The following MDM1 variants were observed in gnomAD, a reference collection of about 807,000 sequenced individuals.
The protein encoded by MDM1 is Mdm1 nuclear protein.
MDM1 carries 61 observed loss-of-function variants against 89.1 expected under a neutral mutation model. The ratio of observed to expected loss-of-function variants is 0.68; its 90% CI spans 0.56 to 0.85. The LOEUF (loss-of-function observed/expected upper bound fraction) is 0.85. MDM1 is among the 40% of genes least tolerant of loss of function. MDM1 has a pLI of 0.00. For synonymous variants in MDM1, 290 were observed against 294.1 expected, an observed-to-expected ratio of 0.99 and a Z score of 0.14; for missense variants, 820 against 846.5, an observed-to-expected ratio of 0.97 and a Z score of 0.39.
chr12:68,313,693 TTC>T lies in MDM1; in HGVS notation c.1588_1589del (p.Glu530ThrfsTer10), dbSNP rs1212311378. ...GGRLPTPKLR[E>X]LGGIQRTHHD... ...GATGAGTCCTCTGGATTCCACCAAGTTCTCTCAGCTTGGGAGTAGGAAGCCGG... is the reference window on the plus strand; with the variant it reads ...GATGAGTCCTCTGGATTCCACCAAGTTCTCAGCTTGGGAGTAGGAAGCCGG... On this transcript the variant is annotated frameshift_variant, in exon 11 of 15. Coordinates refer to ENST00000682720, the MANE Select transcript of MDM1 (RefSeq NM_001354969.2). LOFTEE classifies it high-confidence loss of function. 1 of 1,614,194 alleles carries T rather than the reference TTC, an allele frequency of 6.2e-7. No homozygotes were observed. The highest frequency in any genetic ancestry group is 8.5e-7 in the Non-Finnish European group (1 of 1,180,022).
intron 7 of MDM1, among the ~76,000 whole-genome samples, chr12:68,318,031 C>T (rs1016309651): frequency 6.6e-6 from 1 of 152,138 alleles, no homozygotes; most frequent in Non-Finnish European, 1.5e-5. Context: ...TGAGGGAAAA[C>T]GCAGCACTTA....
chr12:68,311,998 G>A (rs1207666208), intron 12 of MDM1, among the ~76,000 whole-genome samples: 1 of 152,096 alleles, frequency 6.6e-6, no homozygotes, highest in Non-Finnish European at 1.5e-5. Flanking sequence ...CAGGATACCA[G>A]TCTCGTTTGT....
intron 2 of MDM1, among the ~76,000 whole-genome samples, chr12:68,330,084 A>G (rs917019640): frequency 9.2e-5 from 14 of 152,072 alleles, no homozygotes; most frequent in African/African-American, 3.1e-4. Context: ...GCCTTTCCCA[A>G]CCATCTAATC....
At chr12:68,329,752 A>G (rs1351296268) in intron 2 of MDM1, among the ~76,000 whole-genome samples, 1 of 152,202 alleles carries the variant, frequency 6.6e-6, no homozygotes. Flanking sequence ...AGTAAGGAAG[A>G]ATTAAATAAG....
At chr12:68,326,470 A>C in intron 3 of MDM1, 187 bp downstream of exon 3, 1 of 1,485,836 alleles carries the variant, frequency 6.7e-7, no homozygotes, top group Non-Finnish European at 8.9e-7. Flanking sequence ...CAAAATAGCG[A>C]GTAGTCAGAA....
intron 12 of MDM1, among the ~76,000 whole-genome samples, chr12:68,307,289 T>C (rs1473083664): frequency 6.6e-6 from 1 of 152,094 alleles, no homozygotes; most frequent in Non-Finnish European, 1.5e-5. Flanking sequence ...AACCCCAGCA[T>C]TACACAATAT....
intron 1 of MDM1, 197 bp downstream of exon 1, chr12:68,332,031 A>T: frequency 1.4e-6 from 1 of 739,566 alleles, no homozygotes; most frequent in Non-Finnish European, 2.4e-6. Flanking sequence ...TGCAGCTTGC[A>T]AATGTGAGTG....
In MDM1 at chr12:68,307,017, A is replaced by C. The variant is rs1285100815; in HGVS notation, c.1750-4145T>G. On this transcript the variant is annotated intron_variant, in intron 12 of 14. Transcript: ENST00000682720. ...CCATAGAATACTGCGCAGCCATAAG[A>C]AAGAATGAAATCATGTCCACTGCAA... Among the ~76,000 whole-genome samples, 3 of 152,262 alleles carry C rather than the reference A, an allele frequency of 2.0e-5. No homozygotes were observed. In the East Asian group the frequency reaches 5.8e-4, roughly 29 times the overall value.
intron 12 of MDM1, among the ~76,000 whole-genome samples, chr12:68,310,873 C>T (rs1421166113): frequency 2.0e-5 from 3 of 152,200 alleles, no homozygotes; most frequent in Non-Finnish European, 2.9e-5. Context: ...ACTCCAACCA[C>T]TTACACCCAT....
At chr12:68,302,569 C>T (rs368338579) in intron 13 of MDM1, 51 bp downstream of exon 13, 50 of 1,459,688 alleles carry the variant, frequency 3.4e-5, no homozygotes, top group Non-Finnish European at 4.6e-5. Flanking sequence ...TTGTACCTAT[C>T]AGCATAACAC....
intron 14 of MDM1, among the ~76,000 whole-genome samples, 154 bp downstream of exon 14, chr12:68,296,769 G>A (rs1871447689): frequency 6.6e-6 from 1 of 152,146 alleles, no homozygotes; most frequent in Admixed American, 6.5e-5. Context: ...ATTTGTAAAT[G>A]GGGGTAATTT....
At position 68,321,386 on chromosome 12, in the gene MDM1, A is replaced by G. The variant is rs1445806782; in HGVS notation, c.966T>C (p.Ala322=). ...FLSPAQYLYK[A]GAWTHVKGNM... is the part of the protein sequence containing the mutation. ...TTCCCTTTACATGTGTCCAAGCCCCAGCTTTATATAAATACTGAGCTGGGC... is the reference window on the plus strand; with the variant it reads ...TTCCCTTTACATGTGTCCAAGCCCCGGCTTTATATAAATACTGAGCTGGGC... Residue 322 remains alanine (A), a synonymous_variant, in exon 7 of 15, where the codon GCT becomes GCC. Coordinates refer to ENST00000682720, the MANE Select transcript of MDM1 (RefSeq NM_001354969.2). The G allele has an allele frequency of 6.2e-7, 1 of 1,613,774 alleles. No homozygotes were observed. The highest frequency in any genetic ancestry group is 8.5e-7 in the Non-Finnish European group (1 of 1,179,912).
chr12:68,323,704 A>G (rs557301572), intron 4 of MDM1, among the ~76,000 whole-genome samples: 4 of 152,212 alleles, frequency 2.6e-5, no homozygotes, highest in African/African-American at 7.2e-5. Flanking sequence ...CAATTACTAC[A>G]CTTCTATTGT....
intron 9 of MDM1, 49 bp from the exon 10 acceptor site, chr12:68,315,314 T>C (rs776065516): frequency 1.4e-5 from 22 of 1,536,454 alleles, no homozygotes; most frequent in Non-Finnish European, 1.9e-5. Flanking sequence ...TTTGCACTTT[T>C]CTAATCAACA....
At chr12:68,311,530 C>G (rs1873686037) in intron 12 of MDM1, among the ~76,000 whole-genome samples, 1 of 152,210 alleles carries the variant, frequency 6.6e-6, no homozygotes, top group South Asian at 2.1e-4. Context: ...ATTCTGCTTT[C>G]CCTCTTTTAA....
At chr12:68,312,828 G>C (rs116492626) in intron 12 of MDM1, among the ~76,000 whole-genome samples, 1 of 151,772 alleles carries the variant, frequency 6.6e-6, no homozygotes, top group East Asian at 1.9e-4. Context: ...TTCCTCAAGG[G>C]GGCAGGTACC....
In MDM1 at chr12:68,295,114, C is replaced by A; in HGVS notation, c.*140G>T. 3.7e-6 allele frequency: 2 copies of A among 533,968 alleles called. No individual in the cohort carries two copies. Among genetic ancestry groups the A allele is most frequent in the Non-Finnish European group, 6.8e-6 (2 of 295,722 alleles). 33.1% of individuals were successfully genotyped at this position (533,968 alleles called of 1,614,324 possible). On this transcript the variant is annotated 3_prime_UTR_variant, in exon 15 of 15. Transcript: ENST00000682720. ...TGTATAAGCCTATGTTAACAATTTCCAAGTAAACTGTTCTATTGGAAATTA... is the reference window on the plus strand; with the variant it reads ...TGTATAAGCCTATGTTAACAATTTCAAAGTAAACTGTTCTATTGGAAATTA...
At chr12:68,295,472 A>G (rs1034855704) in intron 14 of MDM1, 106 bp from the exon 15 acceptor site, 4 of 690,098 alleles carry the variant, frequency 5.8e-6, no homozygotes, top group Non-Finnish European at 9.6e-6. Flanking sequence ...TGTGTTATCA[A>G]TGTCAAGTTA....
In MDM1 at chr12:68,328,409, A is replaced by G. The variant is rs150101516; in HGVS notation, c.134-1388T>C. ...TCTAATTTGGCCGGTTAGTTTGCCA[A>G]TGAATACTGACTTTGCCAATTGTAT... On this transcript the variant is annotated intron_variant, in intron 2 of 14. Coordinates refer to ENST00000682720, the MANE Select transcript of MDM1 (RefSeq NM_001354969.2). Among the ~76,000 whole-genome samples the G allele has an allele frequency of 3.9e-3, 594 of 152,350 alleles. 6 individuals carry two copies. Among genetic ancestry groups the G allele is most frequent in the South Asian group, 0.034 (163 of 4,834 alleles).
Sources: gnomAD v4.1 joint callset for allele counts (sites outside exome capture counted in the v4.1 genomes callset) on GRCh38, gnomAD v4.1.1 for gene constraint, MANE v1.5 for transcripts, NCBI Gene and HGNC (gene_info 2026-07-23, HGNC 2026-07-21) for gene names.